Variants in PAX2 observed in about 807,000 individuals in gnomAD.
PAX2 encodes the protein paired box 2.
A neutral mutation model predicts 41.7 loss-of-function variants in PAX2; 9 were observed. That is an observed-to-expected ratio of 0.22 (90% CI 0.13 to 0.38). The LOEUF (loss-of-function observed/expected upper bound fraction) is 0.38, where lower values mean the gene tolerates loss of function less well. Ranked by LOEUF, PAX2 falls within the 10% of genes least tolerant of loss-of-function variation. The pLI is 1.00. For synonymous variants in PAX2, 221 were observed against 212.7 expected (o/e 1.04, Z -0.34); for missense variants, 418 against 531.6 (o/e 0.79, Z 2.10).
chr10:100,829,936 A>G lies in PAX2; in HGVS notation c.*2317A>G, dbSNP rs1014630799. 3 of 170,906 alleles carry G rather than the reference A, an allele frequency of 1.8e-5. No homozygotes were observed. Among genetic ancestry groups the G allele is most frequent in the Non-Finnish European group, 3.8e-5 (3 of 78,758 alleles). 10.6% of individuals were successfully genotyped at this position (170,906 alleles called of 1,614,324 possible). Reference sequence around the variant, plus strand: ...TAATAAATAAAGAATAAAATTTTGTATGTCACTCCCCATGGCTCCAAGTTT... The same window carrying G: ...TAATAAATAAAGAATAAAATTTTGTGTGTCACTCCCCATGGCTCCAAGTTT... On this transcript the variant is annotated 3_prime_UTR_variant, in exon 10 of 10. Transcript: ENST00000355243.
chr10:100,749,837 C>T lies in PAX2; in HGVS notation c.135C>T (p.Ala45=). 2 of 1,611,962 alleles carry T rather than the reference C, an allele frequency of 1.2e-6. No homozygotes were observed. Among genetic ancestry groups the T allele is most frequent in the South Asian group, 1.1e-5 (1 of 90,798 alleles). ...DVVRQRIVEL[A]HQGVRPCDIS... ...TGAGGCAGCGCATCGTGGAGCTGGC[C>T]CACCAGGGTGTGCGGCCCTGTGACA... is the stretch of plus-strand genomic sequence containing the variant. The change falls in exon 2 of 10, where the codon GCC becomes GCT. Residue 45 remains alanine, a synonymous_variant. Transcript: ENST00000355243.
chr10:100,792,514 C>A (rs949377436), intron 5 of PAX2, among the ~76,000 whole-genome samples: 1 of 152,214 alleles, frequency 6.6e-6, no homozygotes, highest in Non-Finnish European at 1.5e-5. Context: ...CTGCTCTATT[C>A]AAATTCTACC....
At chr10:100,798,032 G>T (rs539757090) in intron 5 of PAX2, among the ~76,000 whole-genome samples, 1 of 151,994 alleles carries the variant, frequency 6.6e-6, no homozygotes, top group South Asian at 2.1e-4. Flanking sequence ...GGGCTAGAAG[G>T]CTGGGCAGAA....
In PAX2 at chr10:100,746,057, C is replaced by T. The variant is rs1026014847; in HGVS notation, c.-204C>T. 1.4e-6 allele frequency: 2 copies of T among 1,470,538 alleles called. No homozygotes were observed. Among genetic ancestry groups the T allele is most frequent in the Non-Finnish European group, 1.8e-6 (2 of 1,119,552 alleles). The allele number at this position is 1,470,538 out of a possible 1,614,324, so 91.1% of individuals were successfully genotyped here. On this transcript the variant is annotated 5_prime_UTR_variant, in exon 1 of 10. Coordinates refer to ENST00000355243, the MANE Select transcript of PAX2 (RefSeq NM_000278.5). ...CGACAGTGGCAAGTTGCGGCTACTGCAGTTGCAAGCTCCGGCCAACCCGGA... is the reference window on the plus strand; with the variant it reads ...CGACAGTGGCAAGTTGCGGCTACTGTAGTTGCAAGCTCCGGCCAACCCGGA...
upstream of PAX2, among the ~76,000 whole-genome samples, chr10:100,742,593 G>A (rs1454373873): frequency 2.0e-5 from 3 of 152,280 alleles, no homozygotes; most frequent in East Asian, 5.8e-4. Context: ...TCCCGAGATG[G>A]GTATCAGAGC....
Position 100,829,740 on chromosome 10 carries a change from CG to C in PAX2, c.*2122del. 4.9e-6 allele frequency: 1 copy of C among 203,510 alleles called. No homozygotes were observed. The highest frequency in any genetic ancestry group is 7.2e-5 in the East Asian group (1 of 13,862). The allele number at this position is 203,510 out of a possible 1,614,324, so 12.6% of individuals were successfully genotyped here. ...GGGGCGGCGAGGGCGGCGAGGGCGC[CG>C]AGGTCCGGCCCATCCCAGTCCTGTG... On this transcript the variant is annotated 3_prime_UTR_variant, in exon 10 of 10. Coordinates refer to ENST00000355243, the MANE Select transcript of PAX2 (RefSeq NM_000278.5).
intron 7 of PAX2, among the ~76,000 whole-genome samples, chr10:100,821,926 C>T (rs893162350): frequency 1.6e-4 from 25 of 152,322 alleles, no homozygotes; most frequent in African/African-American, 5.8e-4. Context: ...TAACTCGATC[C>T]TGTCCTGGGC....
intron 7 of PAX2, among the ~76,000 whole-genome samples, chr10:100,811,449 T>C (rs1360875541): frequency 6.6e-6 from 1 of 152,224 alleles, no homozygotes; most frequent in Non-Finnish European, 1.5e-5. Context: ...ATCTCAGCAG[T>C]GGGTCCAGCA....
chr10:100,810,350 A>G (rs1321178997), intron 7 of PAX2, among the ~76,000 whole-genome samples: 1 of 152,194 alleles, frequency 6.6e-6, no homozygotes, highest in Non-Finnish European at 1.5e-5. Context: ...GAGCCCTGTC[A>G]GTTTTCCCAG....
At chr10:100,780,138 A>G (rs1158948756) in intron 4 of PAX2, among the ~76,000 whole-genome samples, 1 of 151,170 alleles carries the variant, frequency 6.6e-6, no homozygotes, top group Non-Finnish European at 1.5e-5. Context: ...CTCCTTCCTC[A>G]TGGCCTCTTT....
intron 5 of PAX2, among the ~76,000 whole-genome samples, chr10:100,784,028 T>C (rs554312006): frequency 2.0e-5 from 3 of 152,068 alleles, no homozygotes; most frequent in Non-Finnish European, 4.4e-5. Flanking sequence ...CCAATCCTGA[T>C]CCACCAGCCC....
rs532266886 is a variant in PAX2 at position 100,820,706 on chromosome 10, T to A, written c.920-3942T>A. 3.9e-3 allele frequency among the ~76,000 whole-genome samples: 589 copies of A among 152,346 alleles called. 1 individual carries two copies. Among genetic ancestry groups the A allele is most frequent in the Non-Finnish European group, 6.4e-3 (436 of 68,030 alleles). ...TCCAGCCTGGGCGATAGAGCGAGACTTCATCTCAAAAAACGAAAAACAAAA... is the reference window on the plus strand; with the variant it reads ...TCCAGCCTGGGCGATAGAGCGAGACATCATCTCAAAAAACGAAAAACAAAA... On this transcript the variant is annotated intron_variant, in intron 7 of 9. Coordinates refer to ENST00000355243, the MANE Select transcript of PAX2 (RefSeq NM_000278.5).
At chr10:100,816,510 A>G (rs931350712) in intron 7 of PAX2, among the ~76,000 whole-genome samples, 1 of 152,212 alleles carries the variant, frequency 6.6e-6, no homozygotes, top group East Asian at 1.9e-4. Flanking sequence ...TCCCAATGAA[A>G]CAGGTATGTA....
intron 1 of PAX2, chr10:100,749,050 G>C: frequency 1.0e-6 from 1 of 985,438 alleles, no homozygotes; most frequent in Non-Finnish European, 1.2e-6. Flanking sequence ...CGCCTTCCTT[G>C]CTCTACTTCA....
At chr10:100,779,434 G>A in intron 3 of PAX2, 64 bp from the exon 4 acceptor site, 1 of 1,359,804 alleles carries the variant, frequency 7.4e-7, no homozygotes, top group African/African-American at 1.4e-5. Flanking sequence ...TGCAGGGCTG[G>A]GCTGGAATTG....
intron 5 of PAX2, among the ~76,000 whole-genome samples, chr10:100,793,238 C>T (rs554294001): frequency 6.6e-6 from 1 of 152,332 alleles, no homozygotes; most frequent in African/African-American, 2.4e-5. Flanking sequence ...AGTGAGCCCT[C>T]CTTCCCCACC....
In PAX2 at chr10:100,749,253, C is replaced by T. The variant is rs961631130; in HGVS notation, c.44-493C>T. 4.0e-6 allele frequency: 4 copies of T among 992,818 alleles called. No individual in the cohort carries two copies. The East Asian group carries it at 3.3e-4, about 81-fold the overall frequency. 61.5% of individuals were successfully genotyped at this position (992,818 alleles called of 1,614,324 possible). A position where few individuals can be genotyped will look rare whatever the true frequency, so the allele number is the denominator to read the frequency against. On this transcript the variant is annotated intron_variant, in intron 1 of 9. Transcript: ENST00000355243. ...ACTTATCCCCTGTCTGTGCTAGGAG[C>T]TCGGATAAACAGTCAGCCGAGCCTC...
At chr10:100,819,377 T>C (rs1198450685) in intron 7 of PAX2, among the ~76,000 whole-genome samples, 3 of 152,080 alleles carry the variant, frequency 2.0e-5, no homozygotes, top group African/African-American at 7.2e-5. Flanking sequence ...GAGACCAGCC[T>C]GGCCAACATA....
intron 3 of PAX2, among the ~76,000 whole-genome samples, chr10:100,759,095 C>T (rs750727709): frequency 9.2e-5 from 14 of 152,198 alleles, no homozygotes; most frequent in East Asian, 5.8e-4. Flanking sequence ...GGAAATGGCA[C>T]GGCAGAGCCC....
Sources: allele counts gnomAD v4.1 joint callset (sites outside exome capture counted in the v4.1 genomes callset), GRCh38; gene constraint gnomAD v4.1.1; transcripts MANE v1.5; gene names NCBI Gene and HGNC (gene_info 2026-07-23, HGNC 2026-07-21).